Variants in NHS observed in about 807,000 individuals in gnomAD.
NHS encodes actin remodeling regulator NHS.
In NHS, 5 loss-of-function variants were observed where a neutral mutation model predicts 72.5. The observed-to-expected ratio is 0.07, with a 90% CI of 0.04 to 0.14. The LOEUF (loss-of-function observed/expected upper bound fraction) is 0.14, where lower values mean the gene tolerates loss of function less well. Among genes scored for constraint, NHS ranks in the 10% least tolerant of loss-of-function variants. The probability of loss-of-function intolerance (pLI) is 1.00; values close to 1 mark genes in which losing one functional copy is unlikely to be tolerated. For synonymous variants in NHS, 464 were observed against 547.7 expected, an observed-to-expected ratio of 0.85 and a Z score of 2.13; for missense variants, 1,072 against 1,355.7, an observed-to-expected ratio of 0.79 and a Z score of 3.29.
chrX:17,377,368 C>A (rs1177163595), intron 1 of NHS, among the ~76,000 whole-genome samples: 1 of 112,955 alleles, frequency 8.9e-6, no homozygotes, highest in Non-Finnish European at 1.9e-5. Context: ...ACGGCAGAAT[C>A]ATTTAGGAAC....
chrX:17,677,978 TTTGTTG>T (rs748502100), intron 1 of NHS, among the ~76,000 whole-genome samples: 24 of 109,804 alleles, frequency 2.2e-4, no homozygotes, highest in South Asian at 4.0e-4. Context: ...TTTTTGAGGT[TTTGTTG>T]TTGTTGTTGT....
At chrX:17,379,358 T>G (rs1348774274) in intron 1 of NHS, among the ~76,000 whole-genome samples, 4 of 110,759 alleles carry the variant, frequency 3.6e-5, no homozygotes, top group African/African-American at 1.3e-4. Context: ...GGTTAGATTC[T>G]GAATGCATTT....
rs759175199 is a variant in NHS, at chrX:17,680,772, T to C, written c.566-6970T>C. The stretch of plus-strand genomic sequence containing the variant: ...AAAAAAATACAGAAGTCCAAATTTC[T>C]GAGGTCCCTTCCATTAGTAGAATCC... On this transcript the variant is annotated intron_variant, in intron 1 of 8. Transcript: ENST00000676302. Among the ~76,000 whole-genome samples, 226 of 111,642 alleles carry C rather than the reference T, an allele frequency of 2.0e-3. 1 individual carries two copies. Among genetic ancestry groups the C allele is most frequent in the Middle Eastern group, 9.2e-3 (2 of 217 alleles).
intron 1 of NHS, among the ~76,000 whole-genome samples, chrX:17,377,675 A>C (rs761505652): frequency 1.8e-5 from 2 of 112,674 alleles, no homozygotes; most frequent in Admixed American, 9.3e-5. Flanking sequence ...CCTCCGAAAA[A>C]CCCTTTGAAC....
intron 1 of NHS, among the ~76,000 whole-genome samples, chrX:17,535,614 C>T (rs1465650030): frequency 9.0e-6 from 1 of 111,293 alleles, no homozygotes; most frequent in African/African-American, 3.3e-5. Context: ...CTTGCTCTGT[C>T]ACCCAGGCTG....
chrX:17,600,486 G>A (rs866099934), intron 1 of NHS, among the ~76,000 whole-genome samples: 3 of 112,333 alleles, frequency 2.7e-5, no homozygotes, highest in Non-Finnish European at 3.8e-5. Flanking sequence ...TTAAGACGAC[G>A]CCGTCAATTT....
intron 1 of NHS, among the ~76,000 whole-genome samples, chrX:17,440,613 A>G (rs770457740): frequency 8.9e-6 from 1 of 111,968 alleles, no homozygotes; most frequent in African/African-American, 3.2e-5. Context: ...CCCTAAGTAA[A>G]CATTATGGGT....
At chrX:17,489,828 C>T (rs1006738187) in intron 1 of NHS, among the ~76,000 whole-genome samples, 5 of 111,828 alleles carry the variant, frequency 4.5e-5, no homozygotes, top group South Asian at 3.7e-4. Context: ...TTCTAACTGA[C>T]GTGAGATGGT....
chrX:17,536,190 C>T (rs2065222401), intron 1 of NHS, among the ~76,000 whole-genome samples: 1 of 111,542 alleles, frequency 9.0e-6, no homozygotes, highest in Admixed American at 9.5e-5. Context: ...CCCGTCTCTG[C>T]TAAAAATGCA....
intron 8 of NHS, among the ~76,000 whole-genome samples, chrX:17,730,091 T>C (rs147057319): frequency 0.013 from 1,446 of 112,351 alleles, 30 homozygotes; most frequent in African/African-American, 0.044. Flanking sequence ...TTTCTTTTCC[T>C]TCACCCCTGT....
intron 1 of NHS, 68 bp from the exon 2 acceptor site, chrX:17,687,674 A>T (rs1172918187): frequency 8.6e-7 from 1 of 1,160,797 alleles, no homozygotes; most frequent in East Asian, 3.0e-5. Flanking sequence ...CCTCTTCCCC[A>T]CCCCAGGGTT....
chrX:17,411,215 T>C (rs1257212022), intron 1 of NHS, among the ~76,000 whole-genome samples: 1 of 112,439 alleles, frequency 8.9e-6, no homozygotes, highest in Non-Finnish European at 1.9e-5. Context: ...TTCTTTCTGC[T>C]ACCTTAGAAA....
intron 1 of NHS, among the ~76,000 whole-genome samples, chrX:17,458,181 T>A (rs2064832701): frequency 9.0e-6 from 1 of 111,098 alleles, no homozygotes; most frequent in Non-Finnish European, 1.9e-5. Flanking sequence ...GGTGTTAAAG[T>A]TTTGTTTTTC....
intron 1 of NHS, among the ~76,000 whole-genome samples, chrX:17,618,015 A>G (rs1451468975): frequency 2.7e-5 from 3 of 111,895 alleles, no homozygotes; most frequent in Non-Finnish European, 5.6e-5. Context: ...CTGTGCTACC[A>G]AGCTACATGA....
intron 1 of NHS, among the ~76,000 whole-genome samples, chrX:17,460,115 C>T (rs1037785188): frequency 1.8e-5 from 2 of 111,289 alleles, no homozygotes; most frequent in African/African-American, 6.5e-5. Flanking sequence ...ATCCAGGGAA[C>T]ACTGTTATAC....
rs1254314603 is a variant in NHS, at chrX:17,460,509, A to AT, written c.565+84199dup. ...CCTATTTTAAATGCACCATTCAATG[A>AT]TTTTTTTTTTTTAGTGAATTTACAG... On this transcript the variant is annotated intron_variant, in intron 1 of 8. Transcript: ENST00000676302. Among the ~76,000 whole-genome samples, 243 of 103,944 alleles carry AT rather than the reference A, an allele frequency of 2.3e-3. 1 individual carries two copies. Among genetic ancestry groups the AT allele is most frequent in the African/African-American group, 3.7e-3 (108 of 28,808 alleles). The allele number at this position is 103,944 out of a possible 115,157, so 90.3% of individuals were successfully genotyped here. A position where few individuals can be genotyped will look rare whatever the true frequency, so the allele number is the denominator to read the frequency against.
intron 7 of NHS, 111 bp from the exon 8 acceptor site, chrX:17,728,538 C>T: frequency 2.8e-6 from 3 of 1,061,279 alleles, no homozygotes; most frequent in Non-Finnish European, 3.9e-6. Context: ...AAAATGGCAG[C>T]AAGGTAATTT....
intron 1 of NHS, among the ~76,000 whole-genome samples, chrX:17,427,771 G>A (rs1219492055): frequency 8.9e-6 from 1 of 112,542 alleles, no homozygotes; most frequent in African/African-American, 3.2e-5. Flanking sequence ...TTTCTTGTTG[G>A]AATACTTCCT....
intron 1 of NHS, among the ~76,000 whole-genome samples, chrX:17,456,214 G>A (rs2064824966): frequency 8.9e-6 from 1 of 111,925 alleles, no homozygotes. Flanking sequence ...TACACATCTT[G>A]GTTTGTATAA....
Sources: gnomAD v4.1 joint callset for allele counts (sites outside exome capture counted in the v4.1 genomes callset) on GRCh38, gnomAD v4.1.1 for gene constraint, MANE v1.5 for transcripts, NCBI Gene and HGNC (gene_info 2026-07-23, HGNC 2026-07-21) for gene names.